ACOXL: variants seen among roughly 807,000 people sequenced by gnomAD.
The protein encoded by ACOXL is acyl-coenzyme A oxidase-like protein.
ACOXL carries 70 observed loss-of-function variants against 71.9 expected under a neutral mutation model. The observed-to-expected ratio is 0.97, with a 90% CI of 0.80 to 1.19. The LOEUF (loss-of-function observed/expected upper bound fraction) is 1.19, where lower values mean the gene tolerates loss of function less well. Ranked by LOEUF, ACOXL falls within the 50% of genes most tolerant of loss-of-function variation. ACOXL has a pLI of 0.00. For missense variants in ACOXL, 703 were observed against 736.3 expected (o/e 0.95, Z 0.52); for synonymous variants, 253 against 281.6 (o/e 0.90, Z 1.02).
intron 12 of ACOXL, among the ~76,000 whole-genome samples, chr2:110,960,793 G>A (rs1015594045): frequency 1.2e-4 from 18 of 151,894 alleles, no homozygotes; most frequent in African/African-American, 4.3e-4. Flanking sequence ...AGACACAGAT[G>A]CATAAACTGT....
At chr2:111,023,867 C>G (rs977191119) in intron 14 of ACOXL, among the ~76,000 whole-genome samples, 1 of 152,140 alleles carries the variant, frequency 6.6e-6, no homozygotes. Context: ...CACTCCTAGG[C>G]TGCGATGGTG....
At chr2:110,965,084 T>C (rs1257855713) in intron 12 of ACOXL, among the ~76,000 whole-genome samples, 3 of 152,196 alleles carry the variant, frequency 2.0e-5, no homozygotes, top group Admixed American at 1.3e-4. Context: ...CATATTTGTG[T>C]TTCTGTGCCT....
chr2:110,886,382 T>TTC (rs944243609), intron 10 of ACOXL, among the ~76,000 whole-genome samples: 2 of 144,782 alleles, frequency 1.4e-5, no homozygotes, highest in African/African-American at 2.5e-5. Context: ...TTCTTTTTCT[T>TTC]TTTTTTTTTT....
chr2:111,097,357 C>A (rs1434365118), intron 17 of ACOXL, among the ~76,000 whole-genome samples: 1 of 152,150 alleles, frequency 6.6e-6, no homozygotes, highest in Non-Finnish European at 1.5e-5. Flanking sequence ...AACTGAGGCC[C>A]AAAGTGGCCA....
chr2:110,997,320 T>C (rs766176984), intron 14 of ACOXL, among the ~76,000 whole-genome samples: 4 of 143,090 alleles, frequency 2.8e-5, no homozygotes, highest in Non-Finnish European at 6.2e-5. Flanking sequence ...AGAAAAAGAA[T>C]TTCCTTCATT....
rs1682482395 is a variant in ACOXL at position 110,775,149 on chromosome 2, G to A, written c.75+6685G>A. ...TATGACGTTGGAAGCTTACCTTACA[G>A]CATATCCAAAATTTAACTCAAAATG... On this transcript the variant is annotated intron_variant, in intron 2 of 17. Transcript: ENST00000439055. 1.3e-5 allele frequency among the ~76,000 whole-genome samples: 2 copies of A among 152,172 alleles called. 1 individual carries two copies. The highest frequency in any genetic ancestry group is 1.3e-4 in the Admixed American group (2 of 15,278).
At chr2:110,779,895 G>T (rs192493932) in intron 2 of ACOXL, among the ~76,000 whole-genome samples, 3 of 152,174 alleles carry the variant, frequency 2.0e-5, no homozygotes, top group Admixed American at 1.3e-4. Flanking sequence ...GGATAGGCAG[G>T]GGTTCTTAGA....
chr2:111,042,089 CT>C (rs2149795917), intron 15 of ACOXL, among the ~76,000 whole-genome samples: 1 of 152,326 alleles, frequency 6.6e-6, no homozygotes, highest in East Asian at 1.9e-4. Flanking sequence ...GCAACCAGTT[CT>C]CCACATTTCA....
rs542525006 is a variant in ACOXL at position 110,882,372 on chromosome 2, T to G, written c.789-26417T>G. 1.3e-4 allele frequency among the ~76,000 whole-genome samples: 20 copies of G among 152,362 alleles called. 1 individual carries two copies. The South Asian group carries it at 3.5e-3, about 27-fold the overall frequency. On this transcript the variant is annotated intron_variant, in intron 10 of 17. Transcript: ENST00000439055. ...TTTATATATTTTGAATACAAGTGCT[T>G]TATCAGATATGCCTTTTGCAAATAT... is the stretch of plus-strand genomic sequence containing the variant.
chr2:110,813,654 T>G (rs1687601805), intron 9 of ACOXL, among the ~76,000 whole-genome samples: 1 of 152,210 alleles, frequency 6.6e-6, no homozygotes, highest in South Asian at 2.1e-4. Flanking sequence ...GTAGCATAGA[T>G]GCTTGTACAG....
intron 2 of ACOXL, among the ~76,000 whole-genome samples, chr2:110,771,383 C>A (rs1681902968): frequency 6.6e-6 from 1 of 152,118 alleles, no homozygotes; most frequent in Non-Finnish European, 1.5e-5. Flanking sequence ...GCATGCCAGG[C>A]CCGTCTGTGT....
In ACOXL at chr2:110,746,968, A is replaced by G. The variant is rs60064215; in HGVS notation, c.-23+14194A>G. Among the ~76,000 whole-genome samples, 430 of 152,282 alleles carry G rather than the reference A, an allele frequency of 2.8e-3. 1 individual carries two copies. Among genetic ancestry groups the G allele is most frequent in the African/African-American group, 9.9e-3 (410 of 41,558 alleles). ...AAATGTACTTGAAGAGCCCTGAGCT[A>G]ACTAGGATTGCAATGTACTGTGGGC... On this transcript the variant is annotated intron_variant, in intron 1 of 17. Coordinates refer to ENST00000439055, the MANE Select transcript of ACOXL (RefSeq NM_001142807.4).
chr2:110,823,297 G>A (rs1688828070), intron 9 of ACOXL, among the ~76,000 whole-genome samples: 1 of 151,502 alleles, frequency 6.6e-6, no homozygotes, highest in Admixed American at 6.6e-5. Context: ...TGACTGGATA[G>A]CTCGTTCTTT....
At chr2:110,943,198 G>T in intron 12 of ACOXL, among the ~76,000 whole-genome samples, 1 of 139,330 alleles carries the variant, frequency 7.2e-6, no homozygotes, top group Non-Finnish European at 1.5e-5. Context: ...AGGAAGGAAA[G>T]AGAAAGGAAA....
At chr2:110,952,731 A>C (rs938910381) in intron 12 of ACOXL, among the ~76,000 whole-genome samples, 2 of 152,178 alleles carry the variant, frequency 1.3e-5, no homozygotes, top group African/African-American at 4.8e-5. Flanking sequence ...TACAGGAGTG[A>C]GCCACCATGC....
chr2:110,792,333 T>A (rs1057202119), intron 3 of ACOXL, among the ~76,000 whole-genome samples: 3 of 152,198 alleles, frequency 2.0e-5, no homozygotes, highest in African/African-American at 7.2e-5. Flanking sequence ...GCAATGTCCC[T>A]ACATTCAAGT....
intron 12 of ACOXL, among the ~76,000 whole-genome samples, chr2:110,969,372 A>G (rs2062076240): frequency 6.6e-6 from 1 of 152,224 alleles, no homozygotes; most frequent in African/African-American, 2.4e-5. Flanking sequence ...GAGAAAATCC[A>G]TGAAACAAAA....
chr2:111,069,111 A>G (rs1373867136), intron 16 of ACOXL, among the ~76,000 whole-genome samples: 1 of 146,848 alleles, frequency 6.8e-6, no homozygotes, highest in African/African-American at 2.5e-5. Context: ...TTCTCTGTGC[A>G]TGCACGTCCT....
intron 9 of ACOXL, among the ~76,000 whole-genome samples, chr2:110,834,820 T>G (rs1460795292): frequency 6.6e-6 from 1 of 152,182 alleles, no homozygotes; most frequent in Admixed American, 6.5e-5. Context: ...GGACCCAAGG[T>G]GATGTTGCTG....
Sources: gnomAD v4.1 joint callset for allele counts (sites outside exome capture counted in the v4.1 genomes callset) on GRCh38, gnomAD v4.1.1 for gene constraint, MANE v1.5 for transcripts, NCBI Gene and HGNC (gene_info 2026-07-23, HGNC 2026-07-21) for gene names.